Variants in NPSR1 observed in about 807,000 individuals in gnomAD.
NPSR1 encodes the protein neuropeptide S receptor.
In NPSR1, 48 loss-of-function variants were observed where a neutral mutation model predicts 46.9. The ratio of observed to expected loss-of-function variants is 1.02; its 90% CI spans 0.81 to 1.30. The LOEUF (loss-of-function observed/expected upper bound fraction) is 1.30, where lower values mean the gene tolerates loss of function less well. Among genes scored for constraint, NPSR1 ranks in the 50% most tolerant of loss-of-function variants. The pLI, the probability that NPSR1 is intolerant of heterozygous loss-of-function variation, is 0.00. For synonymous variants in NPSR1, 176 were observed against 168.1 expected (o/e 1.05, Z -0.36); for missense variants, 450 against 449.5 (o/e 1.00, Z -0.01).
intron 3 of NPSR1, among the ~76,000 whole-genome samples, chr7:34,784,318 G>T (rs1787363737): frequency 6.6e-6 from 1 of 152,082 alleles, no homozygotes; most frequent in Non-Finnish European, 1.5e-5. Flanking sequence ...TTGGCTGTGG[G>T]TTTGTCATAG....
At chr7:34,830,357 G>GA (rs370565258) in intron 5 of NPSR1, among the ~76,000 whole-genome samples, 163 of 149,750 alleles carry the variant, frequency 1.1e-3, no homozygotes, top group Middle Eastern at 3.4e-3. Flanking sequence ...CAAATTGACA[G>GA]AAAAAAAAAC....
At chr7:34,672,467 G>A (rs11762584) in intron 1 of NPSR1, among the ~76,000 whole-genome samples, 37,680 of 152,068 alleles carry the variant, frequency 0.25, 4,902 homozygotes, top group South Asian at 0.34. Context: ...CGAAAGTAAC[G>A]CAAGTGCAGT....
chr7:34,682,972 G>A (rs1257944208), intron 1 of NPSR1, among the ~76,000 whole-genome samples: 1 of 152,068 alleles, frequency 6.6e-6, no homozygotes, highest in African/African-American at 2.4e-5. Flanking sequence ...TCCCACTCTA[G>A]TTGTACAGCC....
At chr7:34,835,500 C>T (rs921569708) in intron 6 of NPSR1, among the ~76,000 whole-genome samples, 6 of 152,268 alleles carry the variant, frequency 3.9e-5, no homozygotes, top group Admixed American at 2.6e-4. Flanking sequence ...CTCCCTAAGC[C>T]CTCCTCTTTT....
downstream of NPSR1, among the ~76,000 whole-genome samples, chr7:34,850,995 T>A (rs1337895578): frequency 6.6e-6 from 1 of 152,210 alleles, no homozygotes; most frequent in African/African-American, 2.4e-5. Flanking sequence ...TATGACTAAA[T>A]GTTTTCTAGT....
At chr7:34,877,996 A>G in intron 8 of NPSR1, 1 of 752,800 alleles carries the variant, frequency 1.3e-6, no homozygotes, top group Non-Finnish European at 2.3e-6. Context: ...GACCACAGTG[A>G]GGTCACACAT....
chr7:34,868,001 C>CA, intron 8 of NPSR1, among the ~76,000 whole-genome samples: 1 of 151,748 alleles, frequency 6.6e-6, no homozygotes, highest in East Asian at 1.9e-4. Context: ...TGAGTCTCCC[C>CA]AAAAACAATG....
intron 2 of NPSR1, chr7:34,711,077 G>T (rs1783258818): frequency 3.1e-6 from 1 of 321,514 alleles, no homozygotes; most frequent in Non-Finnish European, 6.1e-6. Flanking sequence ...GGTCCAAAAG[G>T]TGTTGTAGCT....
intron 3 of NPSR1, among the ~76,000 whole-genome samples, chr7:34,785,531 T>TA (rs888149260): frequency 4.0e-5 from 6 of 150,998 alleles, no homozygotes; most frequent in African/African-American, 1.5e-4. Flanking sequence ...TAAAGTATAA[T>TA]AAAAAAAGAA....
chr7:34,869,964 A>C (rs2128769874), intron 8 of NPSR1, among the ~76,000 whole-genome samples: 1 of 151,896 alleles, frequency 6.6e-6, no homozygotes, highest in East Asian at 1.9e-4. Flanking sequence ...ACTACAAATA[A>C]GCAGACACTA....
chr7:34,740,851 A>C (rs901479010), intron 2 of NPSR1, among the ~76,000 whole-genome samples: 7 of 152,136 alleles, frequency 4.6e-5, no homozygotes, highest in Admixed American at 2.0e-4. Flanking sequence ...CTGGAGCAAG[A>C]GTTCATGAAG....
chr7:34,684,437 T>C (rs1792818263), intron 1 of NPSR1, 115 bp from the exon 2 acceptor site: 16 of 960,288 alleles, frequency 1.7e-5, no homozygotes, highest in Non-Finnish European at 1.6e-5. Flanking sequence ...AGAGTAGAGC[T>C]TCCAAAAGTA....
intron 6 of NPSR1, among the ~76,000 whole-genome samples, chr7:34,838,559 C>T (rs1034340638): frequency 6.6e-6 from 1 of 152,098 alleles, no homozygotes; most frequent in Non-Finnish European, 1.5e-5. Context: ...AGGATTATTG[C>T]TCATCAACAA....
chr7:34,671,419 T>C (rs1242273872), intron 1 of NPSR1, among the ~76,000 whole-genome samples: 1 of 152,202 alleles, frequency 6.6e-6, no homozygotes, highest in Non-Finnish European at 1.5e-5. Context: ...AAATAAATTG[T>C]GTGCATTGTA....
At chr7:34,782,559 C>A (rs1787276585) in intron 3 of NPSR1, among the ~76,000 whole-genome samples, 1 of 152,098 alleles carries the variant, frequency 6.6e-6, no homozygotes, top group Non-Finnish European at 1.5e-5. Context: ...GCTACCCCAC[C>A]CAACAAACCC....
At chr7:34,726,942 T>A in intron 2 of NPSR1, among the ~76,000 whole-genome samples, 1 of 152,158 alleles carries the variant, frequency 6.6e-6, no homozygotes. Flanking sequence ...GGTGTATATG[T>A]GTCATTGTAC....
chr7:34,687,493 A>G (rs1200158736), intron 2 of NPSR1, among the ~76,000 whole-genome samples: 1 of 152,222 alleles, frequency 6.6e-6, no homozygotes, highest in Non-Finnish European at 1.5e-5. Context: ...AGAAGCAGGT[A>G]CCTTCTTCAC....
chr7:34,775,055 C>T (rs1482241425), intron 2 of NPSR1, among the ~76,000 whole-genome samples: 1 of 152,146 alleles, frequency 6.6e-6, no homozygotes, highest in Admixed American at 6.6e-5. Context: ...CCTGAATTTT[C>T]ACAGGGTTTG....
chr7:34,803,509 T>A (rs775731885), intron 3 of NPSR1, among the ~76,000 whole-genome samples: 12 of 151,716 alleles, frequency 7.9e-5, no homozygotes, highest in Non-Finnish European at 1.3e-4. Flanking sequence ...TAGGTGGGAA[T>A]TGGACAATGA....
Sources: gnomAD v4.1 joint callset for allele counts (sites outside exome capture counted in the v4.1 genomes callset) on GRCh38, gnomAD v4.1.1 for gene constraint, MANE v1.5 for transcripts, NCBI Gene and HGNC (gene_info 2026-07-23, HGNC 2026-07-21) for gene names.